The following STARD9 variants were observed in gnomAD, a reference collection of about 807,000 sequenced individuals.
The protein encoded by STARD9 is StAR related lipid transfer domain containing 9.
Under a neutral mutation model 399.8 loss-of-function variants are expected in STARD9, and 346 were observed. The observed-to-expected ratio is 0.87, with a 90% CI of 0.79 to 0.95. STARD9 has a LOEUF of 0.95. STARD9 is among the 40% of genes least tolerant of loss of function. STARD9 has a pLI of 0.00. For missense variants in STARD9, 5,832 were observed against 5,667.5 expected (o/e 1.03, Z -0.93); for synonymous variants, 2,203 against 2,143.5 (o/e 1.03, Z -0.77).
At position 42,719,660 on chromosome 15, in the gene STARD9, A is replaced by G. The variant is rs532890547; in HGVS notation, c.*86A>G. On this transcript the variant is annotated 3_prime_UTR_variant, in exon 33 of 33. Coordinates refer to ENST00000290607, the MANE Select transcript of STARD9 (RefSeq NM_020759.3). Reference sequence around the variant, plus strand: ...GTGGCAGCTCCTTGTTACTTTCCATACCACAGTGCAGGAAAAGCTGATGCT... The same window carrying G: ...GTGGCAGCTCCTTGTTACTTTCCATGCCACAGTGCAGGAAAAGCTGATGCT... 1.0e-5 allele frequency: 9 copies of G among 874,086 alleles called. No individual in the cohort carries two copies. Among genetic ancestry groups the G allele is most frequent in the Admixed American group, 2.3e-5 (1 of 43,386 alleles). 54.1% of individuals were successfully genotyped at this position (874,086 alleles called of 1,614,324 possible). A position where few individuals can be genotyped will look rare whatever the true frequency, so the allele number is the denominator to read the frequency against.
intron 3 of STARD9, among the ~76,000 whole-genome samples, chr15:42,590,813 A>C (rs2058378815): frequency 6.6e-6 from 1 of 152,156 alleles, no homozygotes; most frequent in South Asian, 2.1e-4. Flanking sequence ...AGTCAGCTCC[A>C]GTGTGAACTA....
intron 26 of STARD9, among the ~76,000 whole-genome samples, chr15:42,707,901 C>T (rs1319056474): frequency 4.6e-5 from 7 of 150,882 alleles, no homozygotes; most frequent in African/African-American, 1.2e-4. Context: ...GAGCCAGACA[C>T]GGTGGCTCAC....
chr15:42,690,898 T>C lies in STARD9; in HGVS notation c.9320T>C (p.Met3107Thr). ...ELEAASFPAG[M>T]YSEPLRQFRD... is the part of the protein sequence containing the mutation. ...GAGGCTGCCTCTTTCCCTGCAGGCA[T>C]GTACTCTGAGCCCCTGAGGCAGTTT... Residue 3107 changes from methionine (M) to threonine (T), a missense_variant, in exon 23 of 33, where the codon ATG (methionine) becomes ACG (threonine). Around this residue, in one of 2 missense-constraint regions of STARD9, gnomAD observed 5,828 missense variants for 5,651.1 expected, o/e 1.03. Coordinates refer to ENST00000290607, the MANE Select transcript of STARD9 (RefSeq NM_020759.3). 6.5e-7 allele frequency: 1 copy of C among 1,537,184 alleles called. No homozygotes were observed.
chr15:42,706,315 G>A (rs553415415), intron 26 of STARD9, among the ~76,000 whole-genome samples: 167 of 151,826 alleles, frequency 1.1e-3, no homozygotes, highest in African/African-American at 3.8e-3. Flanking sequence ...AGGTTTTTTC[G>A]TTCCTTTATA....
intron 3 of STARD9, among the ~76,000 whole-genome samples, chr15:42,585,909 A>G (rs1381394038): frequency 6.6e-6 from 1 of 152,230 alleles, no homozygotes; most frequent in African/African-American, 2.4e-5. Flanking sequence ...AATATCGTGT[A>G]TTTCCTCATT....
chr15:42,638,113 C>T (rs1382282776), intron 6 of STARD9, 26 bp downstream of exon 6: 1 of 1,528,082 alleles, frequency 6.5e-7, no homozygotes, highest in South Asian at 1.2e-5. Flanking sequence ...GCTCTGGGAC[C>T]TACAGTAGTT....
Position 42,686,126 on chromosome 15 carries a change from C to T in STARD9, c.4548C>T (p.Asp1516=). 2.6e-6 allele frequency: 4 copies of T among 1,537,292 alleles called. No individual in the cohort carries two copies. Among genetic ancestry groups the T allele is most frequent in the Non-Finnish European group, 3.5e-6 (4 of 1,146,930 alleles). Residue 1516 remains aspartate, a synonymous_variant, in exon 23 of 33, where the codon GAC becomes GAT. Coordinates refer to ENST00000290607, the MANE Select transcript of STARD9 (RefSeq NM_020759.3). ...CAGCTTACCCCTACCTTGAGGAAGA[C>T]TCTGGTTCCCTGGCCCAAGCTTCTA... ...PKPAYPYLEE[D]SGSLAQASSK...
chr15:42,576,376 CTCTCA>C (rs1359162944), intron 1 of STARD9, among the ~76,000 whole-genome samples: 2 of 152,182 alleles, frequency 1.3e-5, no homozygotes, highest in Non-Finnish European at 2.9e-5. Context: ...GATTCCGCAC[CTCTCA>C]TCTCAGCCCT....
chr15:42,612,579 A>G (rs1194323249), intron 3 of STARD9, among the ~76,000 whole-genome samples: 5 of 152,238 alleles, frequency 3.3e-5, no homozygotes, highest in Admixed American at 3.3e-4. Context: ...TGTTAGAGCT[A>G]GATGTCCATC....
intron 9 of STARD9, among the ~76,000 whole-genome samples, chr15:42,654,578 C>T (rs540877026): frequency 4.6e-5 from 7 of 152,052 alleles, no homozygotes; most frequent in African/African-American, 1.7e-4. Flanking sequence ...ATGAATTCAG[C>T]GAAGTTTCAA....
rs569340011 is a variant in STARD9, at chr15:42,694,341, C to A, written c.12763C>A (p.Arg4255=). The A allele has an allele frequency of 1.2e-5, 19 of 1,529,644 alleles. No individual in the cohort carries two copies. In the Admixed American group the frequency reaches 3.8e-4, roughly 30 times the overall value. The allele number at this position is 1,529,644 out of a possible 1,614,324, so 94.8% of individuals were successfully genotyped here. Residue 4255 remains arginine, a splice_region_variant and synonymous_variant, in exon 23 of 33, where the codon CGG becomes AGG. Coordinates refer to ENST00000290607, the MANE Select transcript of STARD9 (RefSeq NM_020759.3). ...VTSTWKELYA[R]QKKAIETLRR... ...ATCCACCTGGAAGGAGCTCTATGCA[C>A]GGTAAGGACCCCCAGCCTGGAGTCG...
intron 7 of STARD9, among the ~76,000 whole-genome samples, chr15:42,644,248 C>T (rs1186249889): frequency 6.6e-6 from 1 of 152,178 alleles, no homozygotes; most frequent in Non-Finnish European, 1.5e-5. Context: ...AATCCCAGCA[C>T]TTTGGGAGGC....
At chr15:42,656,327 TAAAAAAAAAAAAAAAAAAAAAAA>T (rs869264641) in intron 9 of STARD9, among the ~76,000 whole-genome samples, 20 of 35,316 alleles carry the variant, frequency 5.7e-4, no homozygotes, top group East Asian at 5.3e-3. Flanking sequence ...AGCCATCTCC[TAAAAAAAAAAAAAAAAAAAAAAA>T]AAAAAAAAAA....
Position 42,690,268 on chromosome 15 carries a change from C to T in STARD9, c.8690C>T (p.Pro2897Leu). 6.5e-7 allele frequency: 1 copy of T among 1,537,372 alleles called. No individual in the cohort carries two copies. The highest frequency in any genetic ancestry group is 2.4e-5 in the East Asian group (1 of 40,922). Reference sequence around the variant, plus strand: ...AGGGCTGGCAGCAAACATTCCAGGCCAATTCCACTGCCAGATCAAAGACCA... The same window carrying T: ...AGGGCTGGCAGCAAACATTCCAGGCTAATTCCACTGCCAGATCAAAGACCA... ...VCRAGSKHSR[P>L]IPLPDQRPSA... The change falls in exon 23 of 33, where the codon CCA becomes CTA. Residue 2897 changes from proline to leucine, a missense_variant. Physicochemically the swap from Pro to Leu is moderately conservative, Grantham distance 98. Around this residue, in one of 2 missense-constraint regions of STARD9, gnomAD observed 5,828 missense variants for 5,651.1 expected, o/e 1.03. Coordinates refer to ENST00000290607, the MANE Select transcript of STARD9 (RefSeq NM_020759.3).
chr15:42,694,982 C>T (rs1595794204), intron 24 of STARD9, among the ~76,000 whole-genome samples, 158 bp from the exon 25 acceptor site: 4 of 152,262 alleles, frequency 2.6e-5, no homozygotes, highest in Admixed American at 2.6e-4. Flanking sequence ...CTCTGTCCAG[C>T]AACCTCTCCT....
intron 3 of STARD9, among the ~76,000 whole-genome samples, chr15:42,619,555 A>AG (rs976282219): frequency 1.3e-5 from 2 of 151,450 alleles, no homozygotes; most frequent in Non-Finnish European, 1.5e-5. Context: ...CTGTCTCAAA[A>AG]AAAAAAAAAA....
chr15:42,705,485 G>A (rs2061056221), intron 26 of STARD9, among the ~76,000 whole-genome samples: 1 of 152,038 alleles, frequency 6.6e-6, no homozygotes, highest in South Asian at 2.1e-4. Flanking sequence ...TCAGACTGGA[G>A]TGCTGTGGCG....
rs1435110868 is a variant in STARD9, at chr15:42,689,546, CAGAG to C, written c.7971_7974del (p.Arg2657SerfsTer25). 7.8e-6 allele frequency: 12 copies of C among 1,537,264 alleles called. No homozygotes were observed. The highest frequency in any genetic ancestry group is 2.4e-5 in the East Asian group (1 of 40,920). ...AATCTCTGCCCAATACGGAAACTGA[CAGAG>C]AGCCATGGGATCCTGTGCAGGCTTT... is the stretch of plus-strand genomic sequence containing the variant. On this transcript the variant is annotated frameshift_variant, in exon 23 of 33. Transcript: ENST00000290607. LOFTEE classifies it high-confidence loss of function.
chr15:42,581,025 G>A, intron 1 of STARD9: 1 of 464,978 alleles, frequency 2.2e-6, no homozygotes. Flanking sequence ...GGGGACTGCT[G>A]GTATTGCCTC....
Sources: gnomAD v4.1 joint callset for allele counts (sites outside exome capture counted in the v4.1 genomes callset) on GRCh38, gnomAD v4.1.1 for gene constraint, gnomAD v4.1.1 regional missense constraint, MANE v1.5 for transcripts, NCBI Gene and HGNC (gene_info 2026-07-23, HGNC 2026-07-21) for gene names.